The following NPAS3 variants were observed in gnomAD, a reference collection of about 807,000 sequenced individuals.
NPAS3 encodes neuronal PAS domain-containing protein 3.
A neutral mutation model predicts 73.1 loss-of-function variants in NPAS3; 14 were observed. The ratio of observed to expected loss-of-function variants is 0.19; its 90% CI spans 0.13 to 0.30. The LOEUF is 0.30. Among genes scored for constraint, NPAS3 ranks in the 10% least tolerant of loss-of-function variants. The pLI is 1.00. For missense variants in NPAS3, 1,096 were observed against 1,250.0 expected (o/e 0.88, Z 1.86); for synonymous variants, 620 against 541.5 (o/e 1.14, Z -2.01).
intron 4 of NPAS3, among the ~76,000 whole-genome samples, chr14:33,379,343 A>G (rs1420708075): frequency 6.6e-6 from 1 of 152,104 alleles, no homozygotes; most frequent in Non-Finnish European, 1.5e-5. Flanking sequence ...TTCAACCTGT[A>G]TCAATTTTCA....
At chr14:33,349,830 A>G (rs549644931) in intron 3 of NPAS3, among the ~76,000 whole-genome samples, 1 of 152,332 alleles carries the variant, frequency 6.6e-6, no homozygotes, top group Admixed American at 6.5e-5. Context: ...TGCTAGTGGC[A>G]TAACTGGAGG....
At chr14:33,529,168 C>G (rs1263604747) in intron 4 of NPAS3, among the ~76,000 whole-genome samples, 1 of 152,072 alleles carries the variant, frequency 6.6e-6, no homozygotes, top group African/African-American at 2.4e-5. Flanking sequence ...CTCTGGCCAC[C>G]ACACTGTAGA....
At chr14:33,063,164 G>A (rs1024933357) in intron 2 of NPAS3, among the ~76,000 whole-genome samples, 2 of 152,112 alleles carry the variant, frequency 1.3e-5, no homozygotes, top group Non-Finnish European at 2.9e-5. Flanking sequence ...ATACCTCAGA[G>A]GTTGTTTTGA....
chr14:33,536,056 A>G (rs990192596), intron 4 of NPAS3, among the ~76,000 whole-genome samples: 5 of 152,184 alleles, frequency 3.3e-5, no homozygotes, highest in Non-Finnish European at 7.3e-5. Context: ...AAGTTCTCTA[A>G]ACAGCTGAGC....
intron 4 of NPAS3, among the ~76,000 whole-genome samples, chr14:33,458,283 A>G (rs2139460351): frequency 6.6e-6 from 1 of 152,382 alleles, no homozygotes; most frequent in East Asian, 1.9e-4. Context: ...AGAAATTCCA[A>G]AAACATTTAA....
intron 4 of NPAS3, among the ~76,000 whole-genome samples, chr14:33,492,088 A>C (rs959014775): frequency 1.3e-5 from 2 of 152,170 alleles, no homozygotes; most frequent in Non-Finnish European, 2.9e-5. Flanking sequence ...GCAAACATTC[A>C]GAGATGTTCA....
At chr14:33,598,228 T>G (rs912798566) in intron 5 of NPAS3, among the ~76,000 whole-genome samples, 1 of 152,210 alleles carries the variant, frequency 6.6e-6, no homozygotes, top group Non-Finnish European at 1.5e-5. Context: ...CCTAGTTGCC[T>G]TTTCCAAAGA....
chr14:33,121,297 C>T (rs946635723), intron 2 of NPAS3, among the ~76,000 whole-genome samples: 8 of 152,150 alleles, frequency 5.3e-5, no homozygotes, highest in East Asian at 1.9e-4. Flanking sequence ...CCAGTTCCTA[C>T]GTCTTTGAGA....
At chr14:33,112,030 T>C (rs982954030) in intron 2 of NPAS3, among the ~76,000 whole-genome samples, 12 of 152,336 alleles carry the variant, frequency 7.9e-5, no homozygotes, top group East Asian at 1.9e-4. Flanking sequence ...TAGTATTCCA[T>C]GGTGTATATA....
chr14:33,087,096 C>T lies in NPAS3; in HGVS notation c.140+31102C>T, dbSNP rs142993881. ...TTGTATAATTGTATAATATGTTATA[C>T]AATATAATATTGTATAATATAGTAT... is the stretch of plus-strand genomic sequence containing the variant. On this transcript the variant is annotated intron_variant, in intron 2 of 11. Coordinates refer to ENST00000356141, the Ensembl canonical transcript of NPAS3. 2.1e-3 allele frequency among the ~76,000 whole-genome samples: 307 copies of T among 145,024 alleles called. 10 individuals carry two copies. In the East Asian group the frequency reaches 0.054, roughly 26 times the overall value.
intron 2 of NPAS3, among the ~76,000 whole-genome samples, chr14:33,068,159 T>C (rs577908092): frequency 6.6e-6 from 1 of 152,354 alleles, no homozygotes; most frequent in South Asian, 2.1e-4. Flanking sequence ...CAGATTGAAA[T>C]ACTGTTTCTA....
At chr14:33,051,000 C>T (rs956844967) in intron 1 of NPAS3, among the ~76,000 whole-genome samples, 1 of 152,138 alleles carries the variant, frequency 6.6e-6, no homozygotes, top group African/African-American at 2.4e-5. Context: ...GAAGGCCGGG[C>T]GCGGTGGCTC....
At chr14:33,438,002 A>T (rs190081620) in intron 4 of NPAS3, among the ~76,000 whole-genome samples, 130 of 152,330 alleles carry the variant, frequency 8.5e-4, no homozygotes, top group Non-Finnish European at 7.8e-4. Context: ...TATAATGAAG[A>T]TGTAAAGGGG....
chr14:33,439,347 A>C (rs2049132527), intron 4 of NPAS3, among the ~76,000 whole-genome samples: 1 of 152,216 alleles, frequency 6.6e-6, no homozygotes, highest in Non-Finnish European at 1.5e-5. Context: ...TAGATAAAAT[A>C]AACAGTTGCA....
At chr14:33,421,171 T>G (rs2139028877) in intron 4 of NPAS3, among the ~76,000 whole-genome samples, 1 of 152,044 alleles carries the variant, frequency 6.6e-6, no homozygotes, top group East Asian at 1.9e-4. Context: ...AAGATGTACC[T>G]TGAATTTTTC....
chr14:33,086,045 G>T (rs1428554090), intron 2 of NPAS3, among the ~76,000 whole-genome samples: 1 of 152,070 alleles, frequency 6.6e-6, no homozygotes, highest in Admixed American at 6.6e-5. Flanking sequence ...CCAGTACAAG[G>T]TTATTATACT....
chr14:33,774,669 G>A, intron 8 of NPAS3, 139 bp downstream of exon 8: 1 of 646,754 alleles, frequency 1.5e-6, no homozygotes. Context: ...CACTTGGACT[G>A]ACACCAAACA....
intron 2 of NPAS3, among the ~76,000 whole-genome samples, chr14:33,183,191 C>T (rs570339137): frequency 2.6e-5 from 4 of 152,044 alleles, no homozygotes; most frequent in African/African-American, 9.6e-5. Context: ...TTTTGGAGGC[C>T]GAGGCAGGCG....
In NPAS3 at chr14:33,081,122, C is replaced by T. The variant is rs144308694; in HGVS notation, c.140+25128C>T. 4.6e-5 allele frequency among the ~76,000 whole-genome samples: 7 copies of T among 152,200 alleles called. No homozygotes were observed. In the East Asian group the frequency reaches 5.8e-4, roughly 13 times the overall value. On this transcript the variant is annotated intron_variant, in intron 2 of 11. Coordinates refer to ENST00000356141, the Ensembl canonical transcript of NPAS3. The stretch of plus-strand genomic sequence containing the variant: ...GCTGTATAGTATTTCCCCATAATAA[C>T]GTTTGTCCATAGAGCTCTATTATCA...
Sources: gnomAD v4.1 joint callset for allele counts (sites outside exome capture counted in the v4.1 genomes callset) on GRCh38, gnomAD v4.1.1 for gene constraint, MANE v1.5 for transcripts, NCBI Gene and HGNC (gene_info 2026-07-23, HGNC 2026-07-21) for gene names.